Variants in CRISP1 observed in about 807,000 individuals in gnomAD.
CRISP1 encodes cysteine-rich secretory protein 1.
A neutral mutation model predicts 33.1 loss-of-function variants in CRISP1; 44 were observed. That is an observed-to-expected ratio of 1.33 (90% confidence interval 1.05 to 1.71). The LOEUF (loss-of-function observed/expected upper bound fraction) is 1.71. Ranked by LOEUF, CRISP1 falls within the 40% of genes most tolerant of loss-of-function variation. The pLI is 0.00. For missense variants in CRISP1, 390 were observed against 301.2 expected (o/e 1.29, Z -2.18); for synonymous variants, 103 against 98.7 (o/e 1.04, Z -0.26).
chr6:49,844,395 A>G (rs1771090580), intron 5 of CRISP1, among the ~76,000 whole-genome samples: 1 of 152,154 alleles, frequency 6.6e-6, no homozygotes, highest in African/African-American at 2.4e-5. Context: ...ATCTTTCAAG[A>G]AAAGGGAAGA....
intron 1 of CRISP1, among the ~76,000 whole-genome samples, 155 bp downstream of exon 1, chr6:49,866,274 G>A (rs964757090): frequency 6.6e-6 from 1 of 152,038 alleles, no homozygotes; most frequent in Non-Finnish European, 1.5e-5. Flanking sequence ...TTTATTAAAA[G>A]CATGGAGATA....
upstream of CRISP1, among the ~76,000 whole-genome samples, chr6:49,868,524 G>A (rs1180449175): frequency 6.6e-6 from 1 of 152,082 alleles, no homozygotes; most frequent in East Asian, 1.9e-4. Flanking sequence ...TCAGAGATTG[G>A]CTAACAAAAA....
At chr6:49,874,539 G>C (rs1382005504) in intron 1 of CRISP1, among the ~76,000 whole-genome samples, 3 of 151,864 alleles carry the variant, frequency 2.0e-5, no homozygotes, top group Non-Finnish European at 4.4e-5. Flanking sequence ...CCTGCCTTCA[G>C]GATATTATTT....
chr6:49,861,308 A>G (rs1457786010), intron 1 of CRISP1, among the ~76,000 whole-genome samples: 1 of 152,170 alleles, frequency 6.6e-6, no homozygotes, highest in Non-Finnish European at 1.5e-5. Flanking sequence ...TCTATAGGCC[A>G]ATATCCCTGA....
intron 1 of CRISP1, among the ~76,000 whole-genome samples, chr6:49,872,307 G>A (rs1190629766): frequency 9.9e-5 from 15 of 151,160 alleles, no homozygotes; most frequent in Non-Finnish European, 2.1e-4. Context: ...TTAGCCCTTT[G>A]TCAGATGAGT....
At chr6:49,859,898 G>GA (rs1393852375) in intron 1 of CRISP1, among the ~76,000 whole-genome samples, 1 of 152,014 alleles carries the variant, frequency 6.6e-6, no homozygotes, top group Non-Finnish European at 1.5e-5. Flanking sequence ...GATATAGACT[G>GA]AAAGCAAAGG....
At chr6:49,862,129 T>C (rs1390019027) in intron 1 of CRISP1, among the ~76,000 whole-genome samples, 1 of 152,154 alleles carries the variant, frequency 6.6e-6, no homozygotes, top group African/African-American at 2.4e-5. Context: ...TCTTTGCAGA[T>C]GATATGATCT....
intron 1 of CRISP1, among the ~76,000 whole-genome samples, chr6:49,863,371 T>A (rs914590243): frequency 6.6e-6 from 1 of 152,172 alleles, no homozygotes; most frequent in African/African-American, 2.4e-5. Context: ...ACCAAGGAAT[T>A]ACATAGCTGC....
At chr6:49,840,199 G>A (rs528438932) in intron 6 of CRISP1, among the ~76,000 whole-genome samples, 20 of 152,240 alleles carry the variant, frequency 1.3e-4, no homozygotes, top group Admixed American at 3.9e-4. Flanking sequence ...TCTGATAACC[G>A]TCACTGGAGC....
intron 1 of CRISP1, among the ~76,000 whole-genome samples, chr6:49,859,665 C>T (rs1305137596): frequency 6.6e-6 from 1 of 151,926 alleles, no homozygotes; most frequent in Non-Finnish European, 1.5e-5. Context: ...CAAATGTTAT[C>T]ACTACATAAA....
At chr6:49,870,804 A>G (rs1477582687), upstream of CRISP1, among the ~76,000 whole-genome samples, 1 of 152,074 alleles carries the variant, frequency 6.6e-6, no homozygotes, top group African/African-American at 2.4e-5. Flanking sequence ...AGGGTTTCTA[A>G]TAACAAAATA....
At chr6:49,851,637 C>T (rs547823541) in intron 3 of CRISP1, among the ~76,000 whole-genome samples, 2 of 152,174 alleles carry the variant, frequency 1.3e-5, no homozygotes, top group Admixed American at 6.5e-5. Flanking sequence ...GCAGCATCAG[C>T]ATCAGCTGGG....
chr6:49,862,957 G>A (rs1771694483), intron 1 of CRISP1, among the ~76,000 whole-genome samples: 1 of 152,064 alleles, frequency 6.6e-6, no homozygotes. Context: ...TTCAGAATGA[G>A]GATTGAATAC....
Position 49,835,392 on chromosome 6 carries a change from T to C in CRISP1, c.674A>G (p.His225Arg). The C allele has an allele frequency of 6.2e-7, 1 of 1,613,672 alleles. No homozygotes were observed. Residue 225 changes from histidine to arginine, a missense_variant, in exon 8 of 8, where the codon CAT becomes CGT. Transcript: ENST00000335847. ...TGTTGAGTGGTTGCATCCCAGATAA[T>C]GGACTTGTATGTCACAGTCGAAGTA... Reference protein sequence around the residue: ...DEYFDCDIQVHYLGCNHSTTI... With the variant: ...DEYFDCDIQVRYLGCNHSTTI...
At chr6:49,844,580 G>C (rs1771096954) in intron 5 of CRISP1, among the ~76,000 whole-genome samples, 1 of 152,054 alleles carries the variant, frequency 6.6e-6, no homozygotes, top group Non-Finnish European at 1.5e-5. Flanking sequence ...GCCTCACTGA[G>C]CTAAAGGGAA....
chr6:49,847,824 A>T (rs1771228686), intron 4 of CRISP1, among the ~76,000 whole-genome samples: 1 of 152,080 alleles, frequency 6.6e-6, no homozygotes, highest in Non-Finnish European at 1.5e-5. Context: ...CTTATTTCTC[A>T]ACTGCATTAT....
At chr6:49,870,465 G>A (rs1308308545), upstream of CRISP1, among the ~76,000 whole-genome samples, 1 of 152,150 alleles carries the variant, frequency 6.6e-6, no homozygotes, top group Admixed American at 6.5e-5. Flanking sequence ...TGTGTGGAAA[G>A]GGCTGCCTTG....
chr6:49,851,473 T>C (rs1454704852), intron 3 of CRISP1, among the ~76,000 whole-genome samples: 4 of 152,176 alleles, frequency 2.6e-5, no homozygotes, highest in African/African-American at 9.7e-5. Flanking sequence ...GGGGGATAAA[T>C]TTGCCAATAT....
intron 6 of CRISP1, among the ~76,000 whole-genome samples, chr6:49,840,376 T>C (rs1207468226): frequency 6.6e-6 from 1 of 152,192 alleles, no homozygotes; most frequent in Non-Finnish European, 1.5e-5. Flanking sequence ...ATATTTAATT[T>C]TTAAAGAGAA....
Sources: gnomAD v4.1 joint callset for allele counts (sites outside exome capture counted in the v4.1 genomes callset) on GRCh38, gnomAD v4.1.1 for gene constraint, MANE v1.5 for transcripts, NCBI Gene and HGNC (gene_info 2026-07-23, HGNC 2026-07-21) for gene names.